ANGPTL6: variants seen among roughly 807,000 people sequenced by gnomAD.
The protein encoded by ANGPTL6 is angiopoietin-related protein 6.
Under a neutral mutation model 47.4 loss-of-function variants are expected in ANGPTL6, and 45 were observed. That is an observed-to-expected ratio of 0.95 (90% CI 0.75 to 1.22). The LOEUF (loss-of-function observed/expected upper bound fraction) is 1.22. Ranked by LOEUF, ANGPTL6 falls within the 50% of genes most tolerant of loss-of-function variation. The pLI is 0.00. For synonymous variants in ANGPTL6, 290 were observed against 295.9 expected (o/e 0.98, Z 0.20); for missense variants, 698 against 669.4 (o/e 1.04, Z -0.47).
upstream of ANGPTL6, among the ~76,000 whole-genome samples, chr19:10,104,317 G>GTGTGTGTGTGT (rs60395358): frequency 2.0e-4 from 24 of 118,040 alleles, no homozygotes; most frequent in African/African-American, 6.6e-4. Context: ...TTGTGTGTGT[G>GTGTGTGTGTGT]GTGTGTGTGT....
chr19:10,095,974 G>C lies in ANGPTL6; in HGVS notation c.582+8C>G, dbSNP rs549710968. Reference sequence around the variant, plus strand: ...CGATGCTGCTCTCCGGGGAGGCTGCGAGGTTACCTGCTGCTGCCCGCCCGC... The same window carrying C: ...CGATGCTGCTCTCCGGGGAGGCTGCCAGGTTACCTGCTGCTGCCCGCCCGC... On this transcript the variant is annotated splice_region_variant and intron_variant, in intron 2 of 5. Transcript: ENST00000253109. 7.6e-7 allele frequency: 1 copy of C among 1,313,278 alleles called. No homozygotes were observed. The highest frequency in any genetic ancestry group is 9.7e-7 in the Non-Finnish European group (1 of 1,027,526). 81.4% of individuals were successfully genotyped at this position (1,313,278 alleles called of 1,614,324 possible). A position where few individuals can be genotyped will look rare whatever the true frequency, so the allele number is the denominator to read the frequency against.
chr19:10,097,843 A>G (rs543026085), intron 1 of ANGPTL6, among the ~76,000 whole-genome samples: 1 of 135,370 alleles, frequency 7.4e-6, no homozygotes, highest in East Asian at 2.1e-4. Flanking sequence ...ACTGAGCGAG[A>G]CTCCATCTCA....
At chr19:10,097,219 AAC>A (rs2088569229) in intron 1 of ANGPTL6, among the ~76,000 whole-genome samples, 1 of 152,146 alleles carries the variant, frequency 6.6e-6, no homozygotes, top group Admixed American at 6.6e-5. Flanking sequence ...CAGCCTAGAC[AAC>A]ACAGAGAGAC....
rs1365245544 is a variant in ANGPTL6 at position 10,096,456 on chromosome 19, C to A, written c.108G>T (p.Gln36His). ...TCCAGCACACAGCGCCCGTGAACTT[C>A]TGCGGGGGCAGCACGAAGGTGTAGG... ...RCTYTFVLPPQKFTGAVCWSG... is the reference protein window; with the variant it reads ...RCTYTFVLPPHKFTGAVCWSG... Residue 36 changes from glutamine to histidine, a missense_variant, in exon 2 of 6, where the codon CAG (glutamine) becomes CAT (histidine). By Grantham distance (24) the Gln-to-His change is conservative. Coordinates refer to ENST00000253109, the MANE Select transcript of ANGPTL6 (RefSeq NM_031917.3). 3 of 1,471,274 alleles carry A rather than the reference C, an allele frequency of 2.0e-6. No individual in the cohort carries two copies. The highest frequency in any genetic ancestry group is 1.8e-6 in the Non-Finnish European group (2 of 1,120,258). 91.1% of individuals were successfully genotyped at this position (1,471,274 alleles called of 1,614,324 possible). A position where few individuals can be genotyped will look rare whatever the true frequency, so the allele number is the denominator to read the frequency against.
chr19:10,105,695 G>A (rs2088803362), upstream of ANGPTL6, among the ~76,000 whole-genome samples: 1 of 151,942 alleles, frequency 6.6e-6, no homozygotes, highest in Non-Finnish European at 1.5e-5. Flanking sequence ...GAGGCCGATG[G>A]GGGAGGAGAG....
At chr19:10,103,860 C>T (rs1257089418), upstream of ANGPTL6, among the ~76,000 whole-genome samples, 3 of 148,606 alleles carry the variant, frequency 2.0e-5, no homozygotes, top group South Asian at 2.1e-4. Context: ...TTTGGGAGGC[C>T]AAGGTGGGCA....
chr19:10,100,575 C>T (rs777776965), intron 1 of ANGPTL6, among the ~76,000 whole-genome samples: 3 of 152,154 alleles, frequency 2.0e-5, no homozygotes, highest in Admixed American at 6.6e-5. Flanking sequence ...GCACATATCC[C>T]GAGGGTCTCC....
At chr19:10,099,845 TTCTCTCTTTCTCTCTC>T (rs1347025982) in intron 1 of ANGPTL6, among the ~76,000 whole-genome samples, 3 of 89,468 alleles carry the variant, frequency 3.4e-5, no homozygotes, top group East Asian at 1.2e-3. Flanking sequence ...CTCTCTCTCT[TTCTCTCTTTCTCTCTC>T]TCTCTCTCTC....
chr19:10,102,416 A>AC (rs912347268), intron 1 of ANGPTL6, 152 bp downstream of exon 1: 2 of 242,544 alleles, frequency 8.2e-6, no homozygotes, highest in African/African-American at 2.4e-5. Flanking sequence ...AGATTGAGCA[A>AC]CCCCCCAGAA....
chr19:10,101,088 A>G (rs1286350704), intron 1 of ANGPTL6, among the ~76,000 whole-genome samples: 1 of 152,194 alleles, frequency 6.6e-6, no homozygotes, highest in Non-Finnish European at 1.5e-5. Flanking sequence ...ACGCGCCTGT[A>G]GTCTCAGCTA....
chr19:10,096,538 A>T lies in ANGPTL6; in HGVS notation c.26T>A (p.Leu9Gln), dbSNP rs372470045. 6.6e-7 allele frequency: 1 copy of T among 1,513,724 alleles called. No homozygotes were observed. 93.8% of individuals were successfully genotyped at this position (1,513,724 alleles called of 1,614,324 possible). Residue 9 changes from leucine to glutamine, a missense_variant, in exon 2 of 6, where the codon CTA (leucine) becomes CAA (glutamine). Coordinates refer to ENST00000253109, the MANE Select transcript of ANGPTL6 (RefSeq NM_031917.3). The part of the protein sequence containing the change: MGKPWLRA[L>Q]QLLLLLGASW... Reference sequence around the variant, plus strand: ...CGCGCCCAGCAGGAGCAGCAGCTGTAGCGCACGCAGCCAGGGCTTCCCCAT... The same window carrying T: ...CGCGCCCAGCAGGAGCAGCAGCTGTTGCGCACGCAGCCAGGGCTTCCCCAT...
At chr19:10,095,054 G>T in intron 2 of ANGPTL6, 116 bp from the exon 3 acceptor site, 2 of 1,092,306 alleles carry the variant, frequency 1.8e-6, no homozygotes, top group Non-Finnish European at 2.5e-6. Flanking sequence ...TGGACATCTG[G>T]CAGTGGGGGT....
chr19:10,099,348 G>A (rs1452777837), intron 1 of ANGPTL6, among the ~76,000 whole-genome samples: 12 of 152,020 alleles, frequency 7.9e-5, no homozygotes, highest in Non-Finnish European at 1.0e-4. Flanking sequence ...AGGCGGAGGC[G>A]GGCGGATCAC....
rs556407536 is a variant in ANGPTL6, at chr19:10,094,777, C to G, written c.744G>C (p.Ala248=). 1 of 1,614,054 alleles carries G rather than the reference C, an allele frequency of 6.2e-7. No homozygotes were observed. Among genetic ancestry groups the G allele is most frequent in the Non-Finnish European group, 8.5e-7 (1 of 1,180,034 alleles). The change falls in exon 3 of 6, where the codon GCG becomes GCC. Residue 248 remains alanine, a synonymous_variant. Coordinates refer to ENST00000253109, the MANE Select transcript of ANGPTL6 (RefSeq NM_031917.3). ...MASPMPAGHP[A]VPTKPVGPWQ... ...ACTTACCCACAGGCTTGGTGGGGAC[C>G]GCAGGGTGACCTGCAGGCATGGGAG...
In ANGPTL6 at chr19:10,096,102, G is replaced by T. The variant is rs768053460; in HGVS notation, c.462C>A (p.Ala154=). 1.3e-6 allele frequency: 2 copies of T among 1,487,622 alleles called. No homozygotes were observed. The highest frequency in any genetic ancestry group is 8.9e-7 in the Non-Finnish European group (1 of 1,121,120). 92.2% of individuals were successfully genotyped at this position (1,487,622 alleles called of 1,614,324 possible). Residue 154 remains alanine (A), a synonymous_variant, in exon 2 of 6, where the codon GCC becomes GCA. Transcript: ENST00000253109. ...TGACGTCCAGCTGGTGGAACCGGGCGGCTGCGCGCTGAGCCTCGGCGGACG... is the reference window on the plus strand; with the variant it reads ...TGACGTCCAGCTGGTGGAACCGGGCTGCTGCGCGCTGAGCCTCGGCGGACG... ...LNASAEAQRA[A]ARFHQLDVKF...
chr19:10,105,307 A>G (rs77601122), upstream of ANGPTL6, among the ~76,000 whole-genome samples: 2,113 of 152,346 alleles, frequency 0.014, 52 homozygotes, highest in African/African-American at 0.048. Context: ...AGGGAACTTC[A>G]TAAGTCACAG....
At chr19:10,097,563 T>C (rs2088577868) in intron 1 of ANGPTL6, among the ~76,000 whole-genome samples, 1 of 151,938 alleles carries the variant, frequency 6.6e-6, no homozygotes, top group African/African-American at 2.4e-5. Context: ...ATGCTAAAAA[T>C]AACAGTAGGG....
chr19:10,096,929 T>C (rs1186031877), intron 1 of ANGPTL6, among the ~76,000 whole-genome samples: 1 of 34,538 alleles, frequency 2.9e-5, no homozygotes, highest in Non-Finnish European at 5.9e-5. Flanking sequence ...CCCCTGTCTC[T>C]ACAAAAAAAA....
In ANGPTL6 at chr19:10,101,134, G is replaced by A. The variant is rs186426596; in HGVS notation, c.-11+1434C>T. 6.4e-3 allele frequency among the ~76,000 whole-genome samples: 973 copies of A among 152,168 alleles called. 23 individuals carry two copies. Among genetic ancestry groups the A allele is most frequent in the South Asian group, 0.055 (266 of 4,812 alleles). Reference sequence around the variant, plus strand: ...TGAGACACAAGAATCACTTGAACCCGGAAGGCAGAGGTTGCAGTGAGCCAT... The same window carrying A: ...TGAGACACAAGAATCACTTGAACCCAGAAGGCAGAGGTTGCAGTGAGCCAT... On this transcript the variant is annotated intron_variant, in intron 1 of 5. Transcript: ENST00000253109.
Sources: gnomAD v4.1 joint callset for allele counts (sites outside exome capture counted in the v4.1 genomes callset) on GRCh38, gnomAD v4.1.1 for gene constraint, MANE v1.5 for transcripts, NCBI Gene and HGNC (gene_info 2026-07-23, HGNC 2026-07-21) for gene names.